The following SLC7A8 variants were observed in gnomAD, a reference collection of about 807,000 sequenced individuals.
SLC7A8 encodes solute carrier family 7 member 8.
SLC7A8 carries 30 observed loss-of-function variants against 51.2 expected under a neutral mutation model. The observed-to-expected ratio is 0.59, with a 90% CI of 0.44 to 0.80. The LOEUF is 0.80. Ranked by LOEUF, SLC7A8 falls within the 30% of genes least tolerant of loss-of-function variation. The probability of loss-of-function intolerance (pLI) is 0.00; values close to 1 mark genes in which losing one functional copy is unlikely to be tolerated. For missense variants in SLC7A8, 612 were observed against 674.4 expected, an observed-to-expected ratio of 0.91 and a Z score of 1.03; for synonymous variants, 257 against 275.8, an observed-to-expected ratio of 0.93 and a Z score of 0.67.
intron 3 of SLC7A8, among the ~76,000 whole-genome samples, chr14:23,154,833 C>G (rs2048878292): frequency 6.6e-6 from 1 of 152,002 alleles, no homozygotes; most frequent in Non-Finnish European, 1.5e-5. Flanking sequence ...ACCCCCACCT[C>G]AAGACATTTT....
intron 4 of SLC7A8, among the ~76,000 whole-genome samples, chr14:23,142,793 C>T (rs2048757279): frequency 1.3e-5 from 2 of 152,166 alleles, no homozygotes; most frequent in Non-Finnish European, 2.9e-5. Flanking sequence ...TGAGCCACCA[C>T]ACTCGGCCGA....
At chr14:23,161,922 A>ACC (rs2048925550) in intron 3 of SLC7A8, among the ~76,000 whole-genome samples, 1 of 22,596 alleles carries the variant, frequency 4.4e-5, no homozygotes, top group Non-Finnish European at 1.7e-4. Flanking sequence ...GTGAGACTCC[A>ACC]TCTAAAAAAA....
intron 6 of SLC7A8, 24 bp downstream of exon 6, chr14:23,139,400 G>T: frequency 6.2e-7 from 1 of 1,613,666 alleles, no homozygotes; most frequent in Non-Finnish European, 8.5e-7. Context: ...CCTGGTATGA[G>T]ACTCTGGGAC....
Position 23,182,995 on chromosome 14 carries a change from T to G in SLC7A8, c.-81A>C. Reference sequence around the variant, plus strand: ...GTGTAAATATATTGGGAGAGAGCTTTGAATTAGAACGTCCTTTTCCGAAAT... The same window carrying G: ...GTGTAAATATATTGGGAGAGAGCTTGGAATTAGAACGTCCTTTTCCGAAAT... On this transcript the variant is annotated 5_prime_UTR_variant, in exon 1 of 11. Coordinates refer to ENST00000316902, the MANE Select transcript of SLC7A8 (RefSeq NM_012244.4). 6.3e-7 allele frequency: 1 copy of G among 1,583,550 alleles called. No individual in the cohort carries two copies. The highest frequency in any genetic ancestry group is 2.2e-5 in the East Asian group (1 of 44,542).
At chr14:23,155,818 C>T (rs2048888379) in intron 3 of SLC7A8, among the ~76,000 whole-genome samples, 1 of 151,930 alleles carries the variant, frequency 6.6e-6, no homozygotes, top group South Asian at 2.1e-4. Context: ...TCTTGGAAGA[C>T]AGGGTGTGGA....
intron 1 of SLC7A8, among the ~76,000 whole-genome samples, chr14:23,170,232 T>G (rs1472484262): frequency 6.6e-6 from 1 of 152,200 alleles, no homozygotes; most frequent in Non-Finnish European, 1.5e-5. Flanking sequence ...GATGAGAAGC[T>G]AAGTCCTTGG....
intron 3 of SLC7A8, among the ~76,000 whole-genome samples, chr14:23,152,652 T>C (rs2048857637): frequency 6.6e-6 from 1 of 152,038 alleles, no homozygotes; most frequent in South Asian, 2.1e-4. Context: ...TGGGCTCAAG[T>C]GAGCCACCTG....
Position 23,154,495 on chromosome 14 carries a change from C to T in SLC7A8, c.508+10790G>A, listed in dbSNP as rs1036133285. On this transcript the variant is annotated intron_variant, in intron 3 of 10. Coordinates refer to ENST00000316902, the MANE Select transcript of SLC7A8 (RefSeq NM_012244.4). ...TGCACCGAGTTCCTTGGCCGCCTCC[C>T]CCGCTTGTGGAAGGAACTGAGCACG... is the stretch of plus-strand genomic sequence containing the variant. The T allele has an allele frequency of 2.3e-5, 23 of 984,528 alleles. No homozygotes were observed. The African/African-American group carries it at 3.8e-4, about 16-fold the overall frequency. The allele number at this position is 984,528 out of a possible 1,614,324, so 61.0% of individuals were successfully genotyped here.
intron 3 of SLC7A8, among the ~76,000 whole-genome samples, chr14:23,150,023 G>A (rs1329714930): frequency 6.6e-6 from 1 of 152,072 alleles, no homozygotes; most frequent in Non-Finnish European, 1.5e-5. Flanking sequence ...AATCATCTAA[G>A]GATACATTTC....
rs568537245 is a variant in SLC7A8, at chr14:23,135,812, T to C, written c.1016+2109A>G. ...ATTACTCTGATTTGATTTTTACACA[T>C]TATATCAATGTATTGAAACATCATC... On this transcript the variant is annotated intron_variant, in intron 7 of 10. Coordinates refer to ENST00000316902, the MANE Select transcript of SLC7A8 (RefSeq NM_012244.4). 4.6e-5 allele frequency among the ~76,000 whole-genome samples: 7 copies of C among 152,342 alleles called. No individual in the cohort carries two copies. The South Asian group carries it at 1.5e-3, about 32-fold the overall frequency.
chr14:23,177,650 G>T (rs1011349056), intron 1 of SLC7A8, among the ~76,000 whole-genome samples: 6 of 152,224 alleles, frequency 3.9e-5, no homozygotes, highest in Admixed American at 3.3e-4. Flanking sequence ...AACTCTGTGG[G>T]TACCTCTAAC....
rs1028281237 is a variant in SLC7A8 at position 23,126,908 on chromosome 14, C to T, written c.*269G>A. On this transcript the variant is annotated 3_prime_UTR_variant, in exon 11 of 11. Coordinates refer to ENST00000316902, the MANE Select transcript of SLC7A8 (RefSeq NM_012244.4). ...CCCGGAGGGAGGTCCTGCAGGGCAC[C>T]TTGGCATCTCCCCTCTCCTCCAGCA... The T allele has an allele frequency of 2.0e-6, 1 of 501,364 alleles. No homozygotes were observed. Among genetic ancestry groups the T allele is most frequent in the Non-Finnish European group, 3.6e-6 (1 of 277,978 alleles). 31.1% of individuals were successfully genotyped at this position (501,364 alleles called of 1,614,324 possible). A position where few individuals can be genotyped will look rare whatever the true frequency, so the allele number is the denominator to read the frequency against.
chr14:23,170,888 G>A (rs1331327590), intron 1 of SLC7A8, among the ~76,000 whole-genome samples: 1 of 151,674 alleles, frequency 6.6e-6, no homozygotes, highest in Non-Finnish European at 1.5e-5. Context: ...ACTATACAAA[G>A]CTAATTTTTA....
chr14:23,177,704 T>C (rs1481444939), intron 1 of SLC7A8, among the ~76,000 whole-genome samples: 1 of 152,188 alleles, frequency 6.6e-6, no homozygotes, highest in Admixed American at 6.6e-5. Flanking sequence ...GGTGTGCATG[T>C]GCAGGAATGA....
chr14:23,127,511 C>T lies in SLC7A8; in HGVS notation c.1442-168G>A, dbSNP rs868248931. Among the ~76,000 whole-genome samples the T allele has an allele frequency of 1.5e-4, 23 of 152,326 alleles. No homozygotes were observed. The South Asian group carries it at 1.9e-3, about 12-fold the overall frequency. On this transcript the variant is annotated intron_variant, in intron 10 of 10. Transcript: ENST00000316902. The stretch of plus-strand genomic sequence containing the variant: ...CTGGTCTGCCTCCTGCATCTCCCGC[C>T]GGCTACTCTTTGCTTATGAAGGCCC...
At chr14:23,173,822 G>T (rs1022065664) in intron 1 of SLC7A8, among the ~76,000 whole-genome samples, 1 of 150,988 alleles carries the variant, frequency 6.6e-6, no homozygotes, top group Non-Finnish European at 1.5e-5. Flanking sequence ...TAAATATTTT[G>T]TAGAGGCAGG....
intron 1 of SLC7A8, among the ~76,000 whole-genome samples, chr14:23,174,104 G>T (rs1377564971): frequency 6.6e-6 from 1 of 152,144 alleles, no homozygotes; most frequent in African/African-American, 2.4e-5. Context: ...CCCAGTCTAT[G>T]GCATGCCGAT....
At chr14:23,138,284 T>C (rs1439687733) in intron 6 of SLC7A8, 6 of 434,946 alleles carry the variant, frequency 1.4e-5, no homozygotes, top group Non-Finnish European at 2.5e-5. Context: ...TCTTGTTTTA[T>C]GGGTGAGGAA....
rs756699235 is a variant in SLC7A8 at position 23,179,816 on chromosome 14, AAAAG to A, written c.151+2944_151+2947del. 2.7e-4 allele frequency among the ~76,000 whole-genome samples: 41 copies of A among 152,236 alleles called. No homozygotes were observed. The East Asian group carries it at 4.8e-3, about 18-fold the overall frequency. ...CACAGCGAGACACTGTCTCAGAAAA[AAAAG>A]AAAGAAAGAAAGAAAGATGGGACAA... On this transcript the variant is annotated intron_variant, in intron 1 of 10. Transcript: ENST00000316902.
Sources: allele counts gnomAD v4.1 joint callset (sites outside exome capture counted in the v4.1 genomes callset), GRCh38; gene constraint gnomAD v4.1.1; transcripts MANE v1.5; gene names NCBI Gene and HGNC (gene_info 2026-07-23, HGNC 2026-07-21).